PHF3: variants seen among roughly 807,000 people sequenced by gnomAD.
The protein encoded by PHF3 is PHD finger protein 3.
PHF3 carries 41 observed loss-of-function variants against 178.4 expected under a neutral mutation model. That is an observed-to-expected ratio of 0.23 (90% confidence interval 0.18 to 0.30). The LOEUF is 0.30. Ranked by LOEUF, PHF3 falls within the 10% of genes least tolerant of loss-of-function variation. The probability of loss-of-function intolerance (pLI) is 1.00; values close to 1 mark genes in which losing one functional copy is unlikely to be tolerated. For synonymous variants in PHF3, 842 were observed against 800.5 expected, an observed-to-expected ratio of 1.05 and a Z score of -0.88; for missense variants, 2,346 against 2,398.1, an observed-to-expected ratio of 0.98 and a Z score of 0.45.
chr6:63,721,454 T>C lies in PHF3; in HGVS notation c.*7746T>C, dbSNP rs758638457. The C allele has an allele frequency of 1.9e-6, 3 of 1,551,640 alleles. No homozygotes were observed. In the South Asian group the frequency reaches 3.6e-5, roughly 18 times the overall value. On this transcript the variant is annotated 3_prime_UTR_variant, in exon 16 of 16. Coordinates refer to ENST00000262043, the MANE Select transcript of PHF3 (RefSeq NM_001370348.2). ...CACCTTTTGCTCCAAATTCAGTTAA[T>C]TGTAATTCTTGATTATTTATGATAA...
rs1169649701 is a variant in PHF3, at chr6:63,716,693, G to A, written c.*2985G>A. ...GAGATTCCTTTTTTTTTGCGCCTTG[G>A]TTTCTAGCTTCTAGAGGGCACCCAA... On this transcript the variant is annotated 3_prime_UTR_variant, in exon 16 of 16. Transcript: ENST00000262043. Among the ~76,000 whole-genome samples, 3 of 151,596 alleles carry A rather than the reference G, an allele frequency of 2.0e-5. No individual in the cohort carries two copies. Among genetic ancestry groups the A allele is most frequent in the Non-Finnish European group, 4.4e-5 (3 of 67,872 alleles).
At chr6:63,684,005 A>G (rs1331052702) in intron 3 of PHF3, 124 bp from the exon 4 acceptor site, 1 of 665,254 alleles carries the variant, frequency 1.5e-6, no homozygotes, top group East Asian at 2.7e-5. Flanking sequence ...AGTACTGTTC[A>G]ATACATTTTT....
chr6:63,682,712 G>A lies in PHF3; in HGVS notation c.407-1417G>A, dbSNP rs148028695. On this transcript the variant is annotated intron_variant, in intron 3 of 15. Transcript: ENST00000262043. ...AGAATCAGGCTTCAAACTAAGGCAG[G>A]TAATATTTAGAGGAGAAAAAGTGAC... Among the ~76,000 whole-genome samples, 1,256 of 152,142 alleles carry A rather than the reference G, an allele frequency of 8.3e-3. 3 individuals are homozygous for A. The highest frequency in any genetic ancestry group is 0.037 in the Middle Eastern group (11 of 294).
chr6:63,709,923 C>CT (rs1007081589), intron 14 of PHF3, among the ~76,000 whole-genome samples: 9 of 152,010 alleles, frequency 5.9e-5, no homozygotes, highest in African/African-American at 1.9e-4. Flanking sequence ...ATTTTCTTTT[C>CT]TTTTTTTAAC....
chr6:63,683,722 A>G (rs1028795876), intron 3 of PHF3, among the ~76,000 whole-genome samples: 18 of 152,052 alleles, frequency 1.2e-4, no homozygotes, highest in African/African-American at 4.3e-4. Context: ...TTGGTTTTAT[A>G]TATTTAGAAA....
At position 63,707,382 on chromosome 6, in the gene PHF3, CTG is replaced by C. The variant is rs1301188458; in HGVS notation, c.3711+508_3711+509del. 9.2e-5 allele frequency among the ~76,000 whole-genome samples: 14 copies of C among 152,296 alleles called. No individual in the cohort carries two copies. The East Asian group carries it at 1.9e-3, about 21-fold the overall frequency. On this transcript the variant is annotated intron_variant, in intron 13 of 15. Transcript: ENST00000262043. Reference sequence around the variant, plus strand: ...AGTTGAAAACCAGTGAGACTAGTGACTGTAGTTGCTGCAAGTGATACCCTTGG... The same window carrying C: ...AGTTGAAAACCAGTGAGACTAGTGACTAGTTGCTGCAAGTGATACCCTTGG...
chr6:63,699,207 A>G (rs1767366683), intron 8 of PHF3, among the ~76,000 whole-genome samples: 1 of 152,188 alleles, frequency 6.6e-6, no homozygotes, highest in South Asian at 2.1e-4. Flanking sequence ...TGTCAGTGTT[A>G]GCTCTCAACA....
At position 63,693,454 on chromosome 6, in the gene PHF3, A is replaced by G. The variant is rs1242973552; in HGVS notation, c.2497-1127A>G. Among the ~76,000 whole-genome samples the G allele has an allele frequency of 2.6e-5, 4 of 152,174 alleles. No individual in the cohort carries two copies. In the South Asian group the frequency reaches 8.3e-4, roughly 32 times the overall value. ...AACATGGTGAAACCCCGTCTCTACTAAAATACAAAAATTAGCCGAGCATGG... is the reference window on the plus strand; with the variant it reads ...AACATGGTGAAACCCCGTCTCTACTGAAATACAAAAATTAGCCGAGCATGG... On this transcript the variant is annotated intron_variant, in intron 5 of 15. Coordinates refer to ENST00000262043, the MANE Select transcript of PHF3 (RefSeq NM_001370348.2).
chr6:63,691,680 A>G (rs1000530827), intron 4 of PHF3, 57 bp from the exon 5 acceptor site: 4 of 1,381,664 alleles, frequency 2.9e-6, no homozygotes, highest in Non-Finnish European at 3.0e-6. Flanking sequence ...CTCATTTTTG[A>G]CATAGATTTT....
At chr6:63,708,156 C>A (rs896862366) in intron 13 of PHF3, among the ~76,000 whole-genome samples, 2 of 152,026 alleles carry the variant, frequency 1.3e-5, no homozygotes, top group Non-Finnish European at 2.9e-5. Flanking sequence ...TGTGAGCCAC[C>A]GGGCCCAGCC....
At chr6:63,681,935 A>G (rs534478906) in intron 3 of PHF3, among the ~76,000 whole-genome samples, 28 of 152,152 alleles carry the variant, frequency 1.8e-4, no homozygotes, top group African/African-American at 5.3e-4. Context: ...GTTTGGCAGA[A>G]CCCTTCCTAT....
rs757430090 is a variant in PHF3 at position 63,711,339 on chromosome 6, C to G, written c.3974C>G (p.Pro1325Arg). Reference protein sequence around the residue: ...PLGATDKIPHPLVPFDGPGLE... With the variant: ...PLGATDKIPHRLVPFDGPGLE... ...GGTGCCACAGATAAAATTCCACACC[C>G]TCTTGTGCCTTTTGATGGACCTGGT... The change falls in exon 15 of 16, where the codon CCT becomes CGT. Residue 1325 changes from proline to arginine, a missense_variant. Around this residue, in one of 8 missense-constraint regions of PHF3, gnomAD observed 90 missense variants for 136.6 expected, o/e 0.66. Transcript: ENST00000262043. The G allele has an allele frequency of 1.2e-6, 2 of 1,609,208 alleles. No individual in the cohort carries two copies. The highest frequency in any genetic ancestry group is 1.7e-6 in the Non-Finnish European group (2 of 1,178,196).
intron 2 of PHF3, among the ~76,000 whole-genome samples, chr6:63,666,605 C>T (rs1191989912): frequency 6.6e-6 from 1 of 151,960 alleles, no homozygotes; most frequent in East Asian, 1.9e-4. Context: ...ATAACCTGTG[C>T]ACATCCTCCT....
chr6:63,713,020 G>C lies in PHF3; in HGVS notation c.5432G>C (p.Ser1811Thr). 6.2e-7 allele frequency: 1 copy of C among 1,613,890 alleles called. No homozygotes were observed. The highest frequency in any genetic ancestry group is 8.5e-7 in the Non-Finnish European group (1 of 1,179,940). ...QQPNLQHLKS[S>T]PPGFPFPGPP... ...CCCAACCTTCAGCATCTCAAGTCTA[G>C]CCCACCTGGATTTCCATTTCCAGGG... Residue 1811 changes from serine to threonine, a missense_variant, in exon 16 of 16, where the codon AGC becomes ACC. By Grantham distance (58) the Ser-to-Thr change is moderately conservative. Coordinates refer to ENST00000262043, the MANE Select transcript of PHF3 (RefSeq NM_001370348.2).
rs745749768 is a variant in PHF3 at position 63,706,764 on chromosome 6, C to T, written c.3599C>T (p.Thr1200Ile). 8 of 1,613,780 alleles carry T rather than the reference C, an allele frequency of 5.0e-6. No individual in the cohort carries two copies. The Admixed American group carries it at 8.3e-5, about 17-fold the overall frequency. Reference protein sequence around the residue: ...EMPGTVEVESTFLARLNFIWK... With the variant: ...EMPGTVEVESIFLARLNFIWK... ...CCTGGAACTGTTGAAGTTGAGTCTACCTTTCTGGCTCGATTGAACTTCATC... is the reference window on the plus strand; with the variant it reads ...CCTGGAACTGTTGAAGTTGAGTCTATCTTTCTGGCTCGATTGAACTTCATC... Residue 1200 changes from threonine to isoleucine, a missense_variant, in exon 13 of 16, where the codon ACC (threonine) becomes ATC (isoleucine). By Grantham distance (89) the Thr-to-Ile change is moderately conservative. Coordinates refer to ENST00000262043, the MANE Select transcript of PHF3 (RefSeq NM_001370348.2).
At chr6:63,706,918 T>C (rs766959695) in intron 13 of PHF3, 42 bp downstream of exon 13, 12 of 1,558,540 alleles carry the variant, frequency 7.7e-6, no homozygotes, top group Non-Finnish European at 6.2e-6. Flanking sequence ...GAATTGATAA[T>C]GTGTGTTTCT....
intron 10 of PHF3, 100 bp downstream of exon 10, chr6:63,702,739 A>T (rs1767528445): frequency 1.7e-6 from 2 of 1,181,266 alleles, no homozygotes; most frequent in Non-Finnish European, 1.2e-6. Flanking sequence ...ATTTTAAAAT[A>T]TGCATCCATT....
chr6:63,685,131 A>G lies in PHF3; in HGVS notation c.1409A>G (p.Asp470Gly). The G allele has an allele frequency of 1.2e-6, 2 of 1,614,100 alleles. No individual in the cohort carries two copies. The highest frequency in any genetic ancestry group is 1.7e-6 in the Non-Finnish European group (2 of 1,180,014). ...ESHETANLQD[D>G]RNSQSSSVSY... ...CATGAAACAGCAAACCTTCAGGATG[A>G]CAGAAACAGCCAGTCAAGTAGCGTT... The change falls in exon 4 of 16, where the codon GAC becomes GGC. Residue 470 changes from aspartate (D) to glycine (G), a missense_variant. Transcript: ENST00000262043.
At chr6:63,678,277 G>A (rs1450164604) in intron 2 of PHF3, among the ~76,000 whole-genome samples, 1 of 151,854 alleles carries the variant, frequency 6.6e-6, no homozygotes, top group African/African-American at 2.4e-5. Flanking sequence ...ACAAAAACCT[G>A]AGGATGTATG....
Sources: gnomAD v4.1 joint callset for allele counts (sites outside exome capture counted in the v4.1 genomes callset) on GRCh38, gnomAD v4.1.1 for gene constraint, gnomAD v4.1.1 regional missense constraint, MANE v1.5 for transcripts, NCBI Gene and HGNC (gene_info 2026-07-23, HGNC 2026-07-21) for gene names.